Variants in COMMD10 observed in about 807,000 individuals in gnomAD.
COMMD10 encodes the protein COMM domain-containing protein 10.
COMMD10 carries 33 observed loss-of-function variants against 28.9 expected under a neutral mutation model. The observed-to-expected ratio is 1.14, with a 90% CI of 0.87 to 1.53. The LOEUF (loss-of-function observed/expected upper bound fraction) is 1.53, where lower values mean the gene tolerates loss of function less well. Ranked by LOEUF, COMMD10 falls within the 40% of genes most tolerant of loss-of-function variation. The pLI, the probability that COMMD10 is intolerant of heterozygous loss-of-function variation, is 0.00. For synonymous variants in COMMD10, 110 were observed against 81.7 expected (o/e 1.35, Z -1.87); for missense variants, 310 against 233.4 (o/e 1.33, Z -2.14).
At chr5:116,279,035 G>T (rs369554455) in intron 5 of COMMD10, among the ~76,000 whole-genome samples, 2 of 151,652 alleles carry the variant, frequency 1.3e-5, no homozygotes, top group East Asian at 1.9e-4. Context: ...TATACTAAAA[G>T]ATCTAGCTAA....
intron 5 of COMMD10, among the ~76,000 whole-genome samples, chr5:116,272,505 C>T (rs1750786401): frequency 6.6e-6 from 1 of 151,798 alleles, no homozygotes; most frequent in African/African-American, 2.4e-5. Context: ...CCCAGAAAGT[C>T]AGTAGGCAAA....
At chr5:116,206,487 C>G (rs1304151117) in intron 5 of COMMD10, among the ~76,000 whole-genome samples, 1 of 151,976 alleles carries the variant, frequency 6.6e-6, no homozygotes, top group Non-Finnish European at 1.5e-5. Context: ...CCAGTTTCCA[C>G]TAAAAATACA....
chr5:116,101,260 T>C (rs1750648881), intron 4 of COMMD10, among the ~76,000 whole-genome samples: 1 of 152,186 alleles, frequency 6.6e-6, no homozygotes, highest in Non-Finnish European at 1.5e-5. Flanking sequence ...AGATGCCCCA[T>C]TGAGGGATTG....
intron 5 of COMMD10, among the ~76,000 whole-genome samples, chr5:116,168,337 C>G (rs1032148830): frequency 7.2e-5 from 11 of 152,110 alleles, no homozygotes; most frequent in Non-Finnish European, 1.6e-4. Flanking sequence ...ATTCATAAAG[C>G]AAGTTCTTAG....
At chr5:116,172,814 G>A (rs920590589) in intron 5 of COMMD10, among the ~76,000 whole-genome samples, 1 of 152,092 alleles carries the variant, frequency 6.6e-6, no homozygotes, top group Non-Finnish European at 1.5e-5. Flanking sequence ...TAAGATTTTG[G>A]AGCTTGAATT....
At chr5:116,233,818 T>TG (rs1325912477) in intron 5 of COMMD10, among the ~76,000 whole-genome samples, 1 of 151,962 alleles carries the variant, frequency 6.6e-6, no homozygotes, top group Non-Finnish European at 1.5e-5. Flanking sequence ...GAGAGGGGTG[T>TG]GGTAGGACAG....
intron 5 of COMMD10, among the ~76,000 whole-genome samples, chr5:116,170,981 C>T (rs942380409): frequency 6.6e-6 from 1 of 152,092 alleles, no homozygotes; most frequent in South Asian, 2.1e-4. Context: ...CCAAAATTGA[C>T]AAATGGGATC....
At chr5:116,185,704 A>G (rs760680126) in intron 5 of COMMD10, among the ~76,000 whole-genome samples, 4 of 152,174 alleles carry the variant, frequency 2.6e-5, no homozygotes, top group Non-Finnish European at 5.9e-5. Flanking sequence ...GTTGAACTCT[A>G]TCAACAAAGA....
chr5:116,192,869 A>G (rs1441560473), intron 5 of COMMD10, among the ~76,000 whole-genome samples: 1 of 152,214 alleles, frequency 6.6e-6, no homozygotes, highest in African/African-American at 2.4e-5. Context: ...TCATCAGGTT[A>G]TCCAAAGTTA....
chr5:116,202,082 T>C (rs974020402), intron 5 of COMMD10, among the ~76,000 whole-genome samples: 1 of 132,228 alleles, frequency 7.6e-6, no homozygotes, highest in Non-Finnish European at 1.5e-5. Context: ...TTCCCCTTCC[T>C]GTGTCCATGT....
Position 116,211,470 on chromosome 5 carries a change from C to G in COMMD10, c.510+77292C>G, listed in dbSNP as rs139904447. Among the ~76,000 whole-genome samples the G allele has an allele frequency of 4.1e-4, 63 of 152,198 alleles. 1 individual carries two copies. Among genetic ancestry groups the G allele is most frequent in the African/African-American group, 1.4e-3 (58 of 41,532 alleles). ...GGGTTGCACTACCACATTATGATGG[C>G]TACAGCATCACTAGGCCATAGGAAA... On this transcript the variant is annotated intron_variant, in intron 5 of 6. Transcript: ENST00000274458.
rs139511798 is a variant in COMMD10 at position 116,102,647 on chromosome 5, A to G, written c.399+9947A>G. On this transcript the variant is annotated intron_variant, in intron 4 of 6. Coordinates refer to ENST00000274458, the MANE Select transcript of COMMD10 (RefSeq NM_016144.4). ...ATTGAATCTGTAGATTGCTTTGGGCAGTATAGTCATTTTAATAATAATTCT... is the reference window on the plus strand; with the variant it reads ...ATTGAATCTGTAGATTGCTTTGGGCGGTATAGTCATTTTAATAATAATTCT... 7.1e-3 allele frequency among the ~76,000 whole-genome samples: 1,087 copies of G among 152,272 alleles called. 15 individuals are homozygous for G. Among genetic ancestry groups the G allele is most frequent in the African/African-American group, 0.025 (1,043 of 41,560 alleles).
At chr5:116,188,033 C>G (rs1209560056) in intron 5 of COMMD10, among the ~76,000 whole-genome samples, 7 of 152,082 alleles carry the variant, frequency 4.6e-5, no homozygotes, top group Admixed American at 4.6e-4. Flanking sequence ...TGACCTAAAA[C>G]ATCATTACGT....
At chr5:116,086,544 C>T (rs1215520485) in intron 1 of COMMD10, among the ~76,000 whole-genome samples, 3 of 151,966 alleles carry the variant, frequency 2.0e-5, no homozygotes, top group African/African-American at 4.8e-5. Context: ...CTGCAGCCTC[C>T]GCCTCCTGTG....
chr5:116,250,651 G>C (rs1357941318), intron 5 of COMMD10, among the ~76,000 whole-genome samples: 1 of 151,820 alleles, frequency 6.6e-6, no homozygotes, highest in Non-Finnish European at 1.5e-5. Flanking sequence ...ATTACTAGGA[G>C]AAGGAAAAAT....
rs1447442746 is a variant in COMMD10, at chr5:116,162,695, C to G, written c.510+28517C>G. On this transcript the variant is annotated intron_variant, in intron 5 of 6. Coordinates refer to ENST00000274458, the MANE Select transcript of COMMD10 (RefSeq NM_016144.4). Reference sequence around the variant, plus strand: ...ATTAGCAACAAAGGTGTGTACTTTTCTATCCAGAGGGACAGTTTGTATACT... The same window carrying G: ...ATTAGCAACAAAGGTGTGTACTTTTGTATCCAGAGGGACAGTTTGTATACT... 3.9e-5 allele frequency among the ~76,000 whole-genome samples: 6 copies of G among 152,098 alleles called. No individual in the cohort carries two copies. In the East Asian group the frequency reaches 1.2e-3, roughly 29 times the overall value.
At chr5:116,243,998 A>G (rs957076384) in intron 5 of COMMD10, among the ~76,000 whole-genome samples, 18 of 152,144 alleles carry the variant, frequency 1.2e-4, no homozygotes, top group Non-Finnish European at 2.9e-5. Flanking sequence ...TGTTAAATCA[A>G]TATCTGAAAA....
intron 5 of COMMD10, among the ~76,000 whole-genome samples, chr5:116,278,497 C>T (rs1167763461): frequency 6.6e-6 from 1 of 151,740 alleles, no homozygotes; most frequent in Non-Finnish European, 1.5e-5. Flanking sequence ...ATATGACTGC[C>T]AAGCATATTG....
chr5:116,190,625 C>A (rs1268728559), intron 5 of COMMD10, among the ~76,000 whole-genome samples: 1 of 152,174 alleles, frequency 6.6e-6, no homozygotes, highest in African/African-American at 2.4e-5. Context: ...AATGCTAAAT[C>A]ATCTTGAGTT....
Sources: gnomAD v4.1 joint callset for allele counts (sites outside exome capture counted in the v4.1 genomes callset) on GRCh38, gnomAD v4.1.1 for gene constraint, MANE v1.5 for transcripts, NCBI Gene and HGNC (gene_info 2026-07-23, HGNC 2026-07-21) for gene names.